Variants in SLC45A2 observed in about 807,000 individuals in gnomAD.
SLC45A2 encodes membrane-associated transporter protein.
A neutral mutation model predicts 45.5 loss-of-function variants in SLC45A2; 36 were observed. The observed-to-expected ratio is 0.79, with a 90% confidence interval of 0.61 to 1.04. The LOEUF is 1.04. SLC45A2 is among the 50% of genes least tolerant of loss of function. SLC45A2 has a pLI of 0.00. For synonymous variants in SLC45A2, 306 were observed against 269.3 expected, an observed-to-expected ratio of 1.14 and a Z score of -1.33; for missense variants, 719 against 671.0, an observed-to-expected ratio of 1.07 and a Z score of -0.79.
intron 2 of SLC45A2, among the ~76,000 whole-genome samples, chr5:33,976,336 G>A (rs1194159499): frequency 3.3e-5 from 5 of 152,178 alleles, no homozygotes; most frequent in Admixed American, 6.5e-5. Flanking sequence ...TCATTCACAC[G>A]TATGTTACCT....
intron 2 of SLC45A2, among the ~76,000 whole-genome samples, chr5:33,981,295 C>T (rs1218274849): frequency 1.3e-5 from 2 of 152,298 alleles, no homozygotes; most frequent in South Asian, 2.1e-4. Flanking sequence ...AATATTGGCT[C>T]CAGTGGCTTC....
At chr5:33,962,050 T>C (rs1374774197) in intron 3 of SLC45A2, among the ~76,000 whole-genome samples, 2 of 152,244 alleles carry the variant, frequency 1.3e-5, no homozygotes, top group Non-Finnish European at 2.9e-5. Flanking sequence ...TTCCTATTTC[T>C]GCTTTCTCCA....
chr5:33,979,361 G>C (rs1332735140), intron 2 of SLC45A2, among the ~76,000 whole-genome samples: 2 of 152,204 alleles, frequency 1.3e-5, no homozygotes, highest in Non-Finnish European at 2.9e-5. Context: ...GTTAAAATAA[G>C]GGGTTGTGGC....
intron 3 of SLC45A2, among the ~76,000 whole-genome samples, chr5:33,954,963 T>C (rs1055338847): frequency 3.9e-5 from 6 of 152,226 alleles, no homozygotes; most frequent in African/African-American, 1.4e-4. Context: ...TATGTGCTGT[T>C]ACATGGCAAA....
At chr5:33,977,210 C>T (rs1475026712) in intron 2 of SLC45A2, among the ~76,000 whole-genome samples, 3 of 152,236 alleles carry the variant, frequency 2.0e-5, no homozygotes, top group African/African-American at 7.2e-5. Context: ...CCAACCCTGA[C>T]AGCTTCTTGA....
chr5:33,958,927 T>C (rs1752361414), intron 3 of SLC45A2, among the ~76,000 whole-genome samples: 1 of 152,180 alleles, frequency 6.6e-6, no homozygotes, highest in Non-Finnish European at 1.5e-5. Context: ...GAAGGGGACA[T>C]CAAAGAGGTA....
intron 2 of SLC45A2, among the ~76,000 whole-genome samples, chr5:33,978,365 T>C (rs542659175): frequency 2.0e-4 from 30 of 152,310 alleles, no homozygotes; most frequent in Middle Eastern, 6.8e-3. Context: ...GGAATGGCCC[T>C]GCAAAGCCAT....
intron 2 of SLC45A2, among the ~76,000 whole-genome samples, chr5:33,967,864 T>G (rs1282323922): frequency 1.3e-5 from 2 of 151,906 alleles, no homozygotes; most frequent in African/African-American, 4.8e-5. Context: ...ACTCTTCTTA[T>G]ATCTTCCCCA....
rs779983065 is a variant in SLC45A2, at chr5:33,944,770, C to T, written c.1471G>A (p.Gly491Arg). 59 of 1,614,094 alleles carry T rather than the reference C, an allele frequency of 3.7e-5. No individual in the cohort carries two copies. The highest frequency in any genetic ancestry group is 4.4e-5 in the Non-Finnish European group (52 of 1,180,046). ...CMVQLAQILV[G>R]GGLGFLVNTA... is the part of the protein sequence containing the mutation. ...TTGACCAGAAAGCCCAGGCCACCTC[C>T]GACCAGGATCTGAGCCAGCTGCACC... The change falls in exon 7 of 7, where the codon GGA becomes AGA. Residue 491 changes from glycine (G) to arginine (R), a missense_variant. By Grantham distance (125) the Gly-to-Arg change is moderately radical. Transcript: ENST00000296589.
At chr5:33,970,524 C>T (rs1408804093) in intron 2 of SLC45A2, among the ~76,000 whole-genome samples, 1 of 152,040 alleles carries the variant, frequency 6.6e-6, no homozygotes, top group African/African-American at 2.4e-5. Flanking sequence ...TCCAGACTAA[C>T]TCATGAACCA....
chr5:33,959,787 C>T (rs1163945871), intron 3 of SLC45A2, among the ~76,000 whole-genome samples: 1 of 152,142 alleles, frequency 6.6e-6, no homozygotes, highest in Non-Finnish European at 1.5e-5. Flanking sequence ...CCAATTCAAA[C>T]ATGAGCAGTG....
chr5:33,953,164 G>A (rs1752168027), intron 4 of SLC45A2, among the ~76,000 whole-genome samples: 1 of 149,832 alleles, frequency 6.7e-6, no homozygotes, highest in African/African-American at 2.5e-5. Flanking sequence ...ACGTGTGCAT[G>A]TGTCTTTATA....
chr5:33,954,794 C>T (rs1174442666), intron 3 of SLC45A2, among the ~76,000 whole-genome samples: 3 of 152,098 alleles, frequency 2.0e-5, no homozygotes, highest in African/African-American at 7.2e-5. Flanking sequence ...ATTGAGCATC[C>T]TATGTCTGAA....
At chr5:33,972,924 G>C (rs1351877794) in intron 2 of SLC45A2, among the ~76,000 whole-genome samples, 1 of 152,148 alleles carries the variant, frequency 6.6e-6, no homozygotes, top group African/African-American at 2.4e-5. Context: ...TGAGGTAGTA[G>C]GATAAGAAAG....
intron 2 of SLC45A2, among the ~76,000 whole-genome samples, chr5:33,969,662 G>C (rs571563188): frequency 6.6e-6 from 1 of 152,278 alleles, no homozygotes; most frequent in Non-Finnish European, 1.5e-5. Flanking sequence ...GGCTTCCCAG[G>C]CTAGACAGAG....
intron 4 of SLC45A2, among the ~76,000 whole-genome samples, 190 bp downstream of exon 4, chr5:33,954,171 C>A (rs569732281): frequency 6.6e-6 from 1 of 152,160 alleles, no homozygotes; most frequent in Non-Finnish European, 1.5e-5. Context: ...TGGCAGGCTC[C>A]GTAGTGTCCT....
intron 1 of SLC45A2, among the ~76,000 whole-genome samples, chr5:33,983,206 C>T (rs905018640): frequency 3.3e-5 from 5 of 152,232 alleles, no homozygotes; most frequent in African/African-American, 1.2e-4. Flanking sequence ...CAATTTTTAA[C>T]AGCTGGATTT....
At chr5:33,981,588 A>G (rs1240134281) in intron 2 of SLC45A2, among the ~76,000 whole-genome samples, 1 of 152,162 alleles carries the variant, frequency 6.6e-6, no homozygotes, top group Non-Finnish European at 1.5e-5. Context: ...GCTCTAAACA[A>G]TTGACCAACA....
intron 6 of SLC45A2, chr5:33,945,984 C>A (rs1246032094): frequency 3.0e-6 from 3 of 985,410 alleles, no homozygotes; most frequent in Non-Finnish European, 3.6e-6. Flanking sequence ...ACACAGTGTG[C>A]ACTTTTGTGT....
Sources: gnomAD v4.1 joint callset for allele counts (sites outside exome capture counted in the v4.1 genomes callset) on GRCh38, gnomAD v4.1.1 for gene constraint, MANE v1.5 for transcripts, NCBI Gene and HGNC (gene_info 2026-07-23, HGNC 2026-07-21) for gene names.